KIAA0586: variants seen among roughly 807,000 people sequenced by gnomAD.
KIAA0586 encodes the protein KIAA0586.
A neutral mutation model predicts 169.8 loss-of-function variants in KIAA0586; 144 were observed. The observed-to-expected ratio is 0.85, with a 90% CI of 0.74 to 0.97. KIAA0586 has a LOEUF of 0.97. KIAA0586 is among the 50% of genes least tolerant of loss of function. The pLI is 0.00. For missense variants in KIAA0586, 1,854 were observed against 1,823.0 expected, an observed-to-expected ratio of 1.02 and a Z score of -0.31; for synonymous variants, 625 against 612.4, an observed-to-expected ratio of 1.02 and a Z score of -0.30.
At chr14:58,531,977 T>C (rs1171644705) in intron 29 of KIAA0586, among the ~76,000 whole-genome samples, 2 of 151,340 alleles carry the variant, frequency 1.3e-5, no homozygotes, top group Non-Finnish European at 2.9e-5. Context: ...TAAGTGGGAG[T>C]TGAACAATGA....
chr14:58,486,006 G>A (rs750283595), intron 21 of KIAA0586, among the ~76,000 whole-genome samples: 2 of 151,972 alleles, frequency 1.3e-5, no homozygotes, highest in Non-Finnish European at 2.9e-5. Context: ...TAGGTATAGG[G>A]GGTACATGTG....
chr14:58,501,428 A>C (rs2043562199), intron 27 of KIAA0586, among the ~76,000 whole-genome samples: 1 of 152,238 alleles, frequency 6.6e-6, no homozygotes, highest in East Asian at 1.9e-4. Context: ...GCTCTCGCAG[A>C]TCACTTGAAC....
intron 5 of KIAA0586, 64 bp downstream of exon 5, chr14:58,442,944 T>C (rs2140549223): frequency 8.5e-7 from 1 of 1,180,762 alleles, no homozygotes; most frequent in Non-Finnish European, 1.2e-6. Flanking sequence ...TACTAAGAAC[T>C]GATTCTATAA....
At position 58,453,762 on chromosome 14, in the gene KIAA0586, G is replaced by T. The variant is rs1743725; in HGVS notation, c.1253+289G>T. Among the ~76,000 whole-genome samples the T allele has an allele frequency of 0.98, 148,703 of 152,140 alleles. 72,754 individuals are homozygous for T. Among genetic ancestry groups the T allele is most frequent in the Non-Finnish European group, 1 (67,961 of 67,996 alleles). ...AAAAATAATCCAAGATAGGTTAGGG[G>T]CAAGTAAGTTGGGAGTATAGATAAA... On this transcript the variant is annotated intron_variant, in intron 9 of 30. Transcript: ENST00000652326.
At position 58,474,425 on chromosome 14, in the gene KIAA0586, T is replaced by C. The variant is rs1012256466; in HGVS notation, c.2635-182T>C. 4.6e-5 allele frequency among the ~76,000 whole-genome samples: 7 copies of C among 152,350 alleles called. No homozygotes were observed. The East Asian group carries it at 1.3e-3, about 29-fold the overall frequency. On this transcript the variant is annotated intron_variant, in intron 18 of 30. Transcript: ENST00000652326. ...ACAAACTGATTGTGTAATTAAGGGT[T>C]CCTCAATATGATATGTCTGACTAAT...
intron 14 of KIAA0586, among the ~76,000 whole-genome samples, chr14:58,461,894 G>A (rs1056062497): frequency 6.6e-6 from 1 of 152,160 alleles, no homozygotes. Flanking sequence ...CACATCTACT[G>A]TTTCACTGGT....
intron 12 of KIAA0586, 53 bp downstream of exon 12, chr14:58,458,598 G>T: frequency 2.0e-6 from 2 of 990,958 alleles, no homozygotes; most frequent in South Asian, 1.7e-5. Context: ...AGATAATATT[G>T]ATTCCAATTT....
intron 30 of KIAA0586, among the ~76,000 whole-genome samples, chr14:58,547,132 C>A (rs2140150603): frequency 2.0e-5 from 3 of 149,098 alleles, no homozygotes; most frequent in South Asian, 2.1e-4. Context: ...ATGCCTTTTA[C>A]ATGGCTGATA....
intron 4 of KIAA0586, chr14:58,433,226 C>T (rs1399876992): frequency 6.6e-6 from 1 of 152,130 alleles, no homozygotes; most frequent in African/African-American, 2.4e-5. Flanking sequence ...ACTACCACGC[C>T]TGGCTATTAT....
chr14:58,464,131 G>A (rs564521305), intron 14 of KIAA0586: 22 of 400,166 alleles, frequency 5.5e-5, no homozygotes, highest in Admixed American at 4.8e-4. Flanking sequence ...AGAACTGGAA[G>A]GTGAAAACAA....
At chr14:58,520,119 T>C (rs2045088671) in intron 29 of KIAA0586, among the ~76,000 whole-genome samples, 1 of 152,204 alleles carries the variant, frequency 6.6e-6, no homozygotes, top group Admixed American at 6.5e-5. Flanking sequence ...TAGATACTAG[T>C]TCATGGGGAA....
At chr14:58,510,400 G>A (rs938993294) in intron 28 of KIAA0586, among the ~76,000 whole-genome samples, 3 of 152,118 alleles carry the variant, frequency 2.0e-5, no homozygotes, top group African/African-American at 4.8e-5. Context: ...AGCAGAGTTA[G>A]TCATTAGGAA....
rs1248771943 is a variant in KIAA0586 at position 58,467,728 on chromosome 14, T to G, written c.2255-7T>G. ...AGTTGACTTATTTTTTCTCCTAAAC[T>G]TCTTAGGACAAACCCAAAGTAATAG... On this transcript the variant is annotated splice_region_variant and splice_polypyrimidine_tract_variant and intron_variant, in intron 15 of 30. Coordinates refer to ENST00000652326, the MANE Select transcript of KIAA0586 (RefSeq NM_001329943.3). 6.3e-7 allele frequency: 1 copy of G among 1,585,404 alleles called. No individual in the cohort carries two copies. The highest frequency in any genetic ancestry group is 8.6e-7 in the Non-Finnish European group (1 of 1,168,326).
chr14:58,444,318 G>C, intron 6 of KIAA0586, 143 bp downstream of exon 6: 1 of 639,364 alleles, frequency 1.6e-6, no homozygotes, highest in Non-Finnish European at 2.8e-6. Flanking sequence ...TTCTTCTCCT[G>C]TAATGCGGGT....
intron 26 of KIAA0586, among the ~76,000 whole-genome samples, chr14:58,497,430 G>C (rs1328375184): frequency 6.6e-6 from 1 of 151,496 alleles, no homozygotes; most frequent in Non-Finnish European, 1.5e-5. Flanking sequence ...CTCAGTCTCG[G>C]CTCACTGCAG....
At chr14:58,468,875 C>G (rs547424146) in intron 16 of KIAA0586, among the ~76,000 whole-genome samples, 23 of 152,220 alleles carry the variant, frequency 1.5e-4, no homozygotes, top group Admixed American at 1.5e-3. Context: ...CAAGGTTCCT[C>G]TTTTGATTGA....
intron 21 of KIAA0586, among the ~76,000 whole-genome samples, chr14:58,485,486 C>T (rs1356226191): frequency 6.6e-6 from 1 of 152,026 alleles, no homozygotes; most frequent in Non-Finnish European, 1.5e-5. Context: ...AATATCTATT[C>T]AAATTAAAAA....
At position 58,453,458 on chromosome 14, in the gene KIAA0586, C is replaced by T. The variant is rs761786642; in HGVS notation, c.1238C>T (p.Pro413Leu). The change falls in exon 9 of 31, where the codon CCT (proline) becomes CTT (leucine). Residue 413 changes from proline to leucine, a missense_variant. Physicochemically the swap from Pro to Leu is moderately conservative, Grantham distance 98. Coordinates refer to ENST00000652326, the MANE Select transcript of KIAA0586 (RefSeq NM_001329943.3). ...SLTRSKIGWT[P>L]EKTNRFPSCE... ...ACTAGGTCAAAAATAGGATGGACTCCTGAGAAAACAAACAGGTAAAAACAA... is the reference window on the plus strand; with the variant it reads ...ACTAGGTCAAAAATAGGATGGACTCTTGAGAAAACAAACAGGTAAAAACAA... 6.6e-7 allele frequency: 1 copy of T among 1,510,644 alleles called. No individual in the cohort carries two copies. Among genetic ancestry groups the T allele is most frequent in the Non-Finnish European group, 8.8e-7 (1 of 1,133,260 alleles). The allele number at this position is 1,510,644 out of a possible 1,614,324, so 93.6% of individuals were successfully genotyped here.
intron 4 of KIAA0586, among the ~76,000 whole-genome samples, chr14:58,432,762 G>T (rs1327293177): frequency 6.6e-6 from 1 of 152,152 alleles, no homozygotes; most frequent in South Asian, 2.1e-4. Flanking sequence ...GCGTCGCCCA[G>T]GCTGGAGTGC....
Sources: gnomAD v4.1 joint callset for allele counts (sites outside exome capture counted in the v4.1 genomes callset) on GRCh38, gnomAD v4.1.1 for gene constraint, MANE v1.5 for transcripts, NCBI Gene and HGNC (gene_info 2026-07-23, HGNC 2026-07-21) for gene names.